Variants in TMEM231 observed in about 807,000 individuals in gnomAD.
The protein encoded by TMEM231 is transmembrane protein 231.
In TMEM231, 40 loss-of-function variants were observed where a neutral mutation model predicts 38.5. The ratio of observed to expected loss-of-function variants is 1.04; its 90% CI spans 0.81 to 1.35. The LOEUF (loss-of-function observed/expected upper bound fraction) is 1.35, where lower values mean the gene tolerates loss of function less well. TMEM231 is among the 40% of genes most tolerant of loss of function. The pLI is 0.00. For synonymous variants in TMEM231, 199 were observed against 181.7 expected, an observed-to-expected ratio of 1.10 and a Z score of -0.77; for missense variants, 420 against 416.9, an observed-to-expected ratio of 1.01 and a Z score of -0.07.
chr16:75,555,263 G>C (rs12598751), intron 2 of TMEM231: 18,487 of 153,462 alleles, frequency 0.12, 2,681 homozygotes, highest in East Asian at 0.71. Flanking sequence ...GGATGGCGCA[G>C]TCTCCAATGG....
chr16:75,548,561 A>T (rs1198818709), intron 2 of TMEM231, among the ~76,000 whole-genome samples: 1 of 152,142 alleles, frequency 6.6e-6, no homozygotes, highest in Non-Finnish European at 1.5e-5. Flanking sequence ...ATTAGAGAAT[A>T]ATGAAGGTAA....
At chr16:75,544,455 G>A (rs774358391) in intron 4 of TMEM231, among the ~76,000 whole-genome samples, 2 of 152,082 alleles carry the variant, frequency 1.3e-5, no homozygotes, top group African/African-American at 4.8e-5. Context: ...TGGGTTTGAG[G>A]AACAGCAAAA....
At chr16:75,546,125 G>A in intron 2 of TMEM231, 171 bp from the exon 3 acceptor site, 4 of 1,533,968 alleles carry the variant, frequency 2.6e-6, no homozygotes, top group Non-Finnish European at 3.5e-6. Context: ...ACTGGGGAGA[G>A]ACACAAAGTG....
intron 2 of TMEM231, 27 bp downstream of exon 2, chr16:75,555,776 GC>G: frequency 1.3e-6 from 2 of 1,496,036 alleles, no homozygotes; most frequent in Admixed American, 2.2e-5. Context: ...CCCCGACTCT[GC>G]CCCAGGCCCA....
intron 2 of TMEM231, among the ~76,000 whole-genome samples, chr16:75,547,954 T>C (rs993828565): frequency 3.3e-5 from 5 of 152,126 alleles, no homozygotes; most frequent in Admixed American, 1.3e-4. Context: ...CAGAGGATAG[T>C]GGCCAGGAGA....
At chr16:75,545,606 C>T (rs535682373) in intron 3 of TMEM231, 111 bp from the exon 4 acceptor site, 26 of 721,962 alleles carry the variant, frequency 3.6e-5, no homozygotes, top group African/African-American at 3.3e-4. Flanking sequence ...ACATACCTAG[C>T]GTAGCCATGC....
Position 75,541,385 on chromosome 16 carries a change from A to T in TMEM231, c.735T>A (p.Ile245=). 1 of 1,612,058 alleles carries T rather than the reference A, an allele frequency of 6.2e-7. No individual in the cohort carries two copies. Among genetic ancestry groups the T allele is most frequent in the South Asian group, 1.1e-5 (1 of 90,772 alleles). ...VGRAADAPFV[I]NAIIRYPVEV... ...CCACAGGGTATCGGATGATAGCATTAATCACAAATGGAGCATCTGCGGCCC... is the reference window on the plus strand; with the variant it reads ...CCACAGGGTATCGGATGATAGCATTTATCACAAATGGAGCATCTGCGGCCC... The change falls in exon 6 of 7, where the codon ATT becomes ATA. Residue 245 remains isoleucine (I), a synonymous_variant. Transcript: ENST00000258173.
rs58545518 is a variant in TMEM231 at position 75,541,180 on chromosome 16, A to ATT, written c.770+168_770+169dup. 0.015 allele frequency among the ~76,000 whole-genome samples: 2,113 copies of ATT among 136,816 alleles called. 19 individuals carry two copies. The highest frequency in any genetic ancestry group is 0.022 in the Non-Finnish European group (1,398 of 63,638). The allele number at this position is 136,816 out of a possible 152,430, so 89.8% of individuals were successfully genotyped here. ...ACATGTACGCCACTATGCCTGGCTA[A>ATT]TTTTTTTTTTTTTTTTTTTGGTAGA... On this transcript the variant is annotated intron_variant, in intron 6 of 6. Transcript: ENST00000258173.
At chr16:75,548,001 G>T (rs1200804862) in intron 2 of TMEM231, among the ~76,000 whole-genome samples, 1 of 152,208 alleles carries the variant, frequency 6.6e-6, no homozygotes, top group East Asian at 1.9e-4. Flanking sequence ...ACACACTGTG[G>T]GAGGGGGAAA....
chr16:75,545,007 G>A (rs944189049), intron 4 of TMEM231, among the ~76,000 whole-genome samples: 2 of 141,622 alleles, frequency 1.4e-5, no homozygotes, highest in African/African-American at 5.3e-5. Context: ...CCAGGCTGGA[G>A]TGCAGTGGCG....
intron 4 of TMEM231, 23 bp downstream of exon 4, chr16:75,545,329 T>G: frequency 6.2e-7 from 1 of 1,603,368 alleles, no homozygotes; most frequent in Non-Finnish European, 8.5e-7. Context: ...ACAAAGGAGC[T>G]GGACAATGAG....
chr16:75,544,834 G>T (rs1190592403), intron 4 of TMEM231, among the ~76,000 whole-genome samples: 1 of 151,798 alleles, frequency 6.6e-6, no homozygotes, highest in Admixed American at 6.6e-5. Context: ...CCTTCTAGGT[G>T]TAACTATGCG....
chr16:75,548,474 C>T (rs2080719382), intron 2 of TMEM231, among the ~76,000 whole-genome samples: 2 of 152,178 alleles, frequency 1.3e-5, no homozygotes, highest in African/African-American at 4.8e-5. Context: ...AGTCCCCATC[C>T]TAATGGGGCA....
At chr16:75,545,786 G>C in intron 3 of TMEM231, 40 bp downstream of exon 3, 3 of 863,016 alleles carry the variant, frequency 3.5e-6, no homozygotes, top group Non-Finnish European at 5.0e-6. Context: ...CTACTAAAAA[G>C]ACACAAGGGA....
At chr16:75,543,270 T>C (rs935606289) in intron 4 of TMEM231, among the ~76,000 whole-genome samples, 2 of 149,168 alleles carry the variant, frequency 1.3e-5, no homozygotes, top group Non-Finnish European at 3.0e-5. Context: ...AAAATAAAAA[T>C]AAAAAAAAAT....
At chr16:75,550,309 T>C (rs1048758367) in intron 2 of TMEM231, among the ~76,000 whole-genome samples, 4 of 152,200 alleles carry the variant, frequency 2.6e-5, no homozygotes, top group African/African-American at 9.7e-5. Flanking sequence ...GGCGTCCTGC[T>C]CCTTCCTGTT....
Position 75,556,177 on chromosome 16 carries a change from G to T in TMEM231, c.33C>A (p.Val11=). 1.3e-6 allele frequency: 2 copies of T among 1,530,864 alleles called. No individual in the cohort carries two copies. The highest frequency in any genetic ancestry group is 1.7e-6 in the Non-Finnish European group (2 of 1,143,244). 94.8% of individuals were successfully genotyped at this position (1,530,864 alleles called of 1,614,324 possible). A position where few individuals can be genotyped will look rare whatever the true frequency, so the allele number is the denominator to read the frequency against. The change falls in exon 1 of 7, where the codon GTC becomes GTA. Residue 11 remains valine, a synonymous_variant. Transcript: ENST00000258173. ...AGAGCCCCGCGCGGTAACTGCGCTC[G>T]ACCGGGTGAGAGAAGAGCTCATAGA... MALYELFSHP[V]ERSYRAGLCS... is the part of the protein sequence containing the mutation.
Position 75,556,046 on chromosome 16 carries a change from G to A in TMEM231, c.139+25C>T, listed in dbSNP as rs1474874368. ...GCCGAGCGCGCCCGGGGAGCCTCGTGGCACAGCGGCCGGGGCAGGCTCACC... is the reference window on the plus strand; with the variant it reads ...GCCGAGCGCGCCCGGGGAGCCTCGTAGCACAGCGGCCGGGGCAGGCTCACC... On this transcript the variant is annotated intron_variant, in intron 1 of 6. Transcript: ENST00000258173. 17 of 1,566,082 alleles carry A rather than the reference G, an allele frequency of 1.1e-5. No homozygotes were observed. The highest frequency in any genetic ancestry group is 1.4e-5 in the Non-Finnish European group (16 of 1,155,922).
intron 2 of TMEM231, chr16:75,555,526 A>G: frequency 2.5e-6 from 1 of 400,996 alleles, no homozygotes; most frequent in Non-Finnish European, 4.4e-6. Context: ...CCGGGCAGAC[A>G]CAGGCTGCCC....
Sources: gnomAD v4.1 joint callset for allele counts (sites outside exome capture counted in the v4.1 genomes callset) on GRCh38, gnomAD v4.1.1 for gene constraint, MANE v1.5 for transcripts, NCBI Gene and HGNC (gene_info 2026-07-23, HGNC 2026-07-21) for gene names.